The following OSBPL9 variants were observed in gnomAD, a reference collection of about 807,000 sequenced individuals.
The protein encoded by OSBPL9 is oxysterol-binding protein-related protein 9.
A neutral mutation model predicts 106.6 loss-of-function variants in OSBPL9; 40 were observed. The observed-to-expected ratio is 0.38, with a 90% CI of 0.29 to 0.49. The LOEUF is 0.49. Ranked by LOEUF, OSBPL9 falls within the 20% of genes least tolerant of loss-of-function variation. OSBPL9 has a pLI of 0.97. For missense variants in OSBPL9, 609 were observed against 887.2 expected (o/e 0.69, Z 3.98); for synonymous variants, 269 against 295.4 (o/e 0.91, Z 0.92).
the OSBPL9 span, among the ~76,000 whole-genome samples, chr1:51,525,131 A>G: frequency 1.3e-5 from 2 of 152,228 alleles, no homozygotes; most frequent in Non-Finnish European, 2.9e-5. Flanking sequence ...CTGATTCTGA[A>G]TCAGCGCAAT....
rs1388150326 is a variant in OSBPL9 at position 51,692,274 on chromosome 1, C to T, written c.242-21729C>T. 5.3e-5 allele frequency among the ~76,000 whole-genome samples: 8 copies of T among 152,190 alleles called. No individual in the cohort carries two copies. In the South Asian group the frequency reaches 1.2e-3, roughly 24 times the overall value. On this transcript the variant is annotated intron_variant, in intron 3 of 23. Transcript: ENST00000428468. ...GCTGCAGTGAGCTCTGATTGTGCCA[C>T]TGCACTCTAACCTGGGCAACAGAGT...
chr1:51,599,788 T>A (rs1645318580), intron 2 of OSBPL9, among the ~76,000 whole-genome samples: 1 of 152,198 alleles, frequency 6.6e-6, no homozygotes, highest in Admixed American at 6.5e-5. Context: ...TGTGCTACTA[T>A]AACAAAGTAC....
At chr1:51,617,298 G>A (rs896707983) in intron 1 of OSBPL9, 77 bp downstream of exon 1, 63 of 1,444,058 alleles carry the variant, frequency 4.4e-5, no homozygotes, top group Non-Finnish European at 5.7e-5. Flanking sequence ...CGGGGTTTTA[G>A]GTGGCTGAGT....
At chr1:51,592,726 C>T (rs1645283057) in intron 1 of OSBPL9, among the ~76,000 whole-genome samples, 1 of 152,162 alleles carries the variant, frequency 6.6e-6, no homozygotes, top group Non-Finnish European at 1.5e-5. Flanking sequence ...TCATCAACTG[C>T]CTGGGGCTTG....
At chr1:51,707,177 G>C in intron 3 of OSBPL9, 1 of 408,614 alleles carries the variant, frequency 2.4e-6, no homozygotes, top group Admixed American at 2.5e-5. Context: ...CCACCACCCT[G>C]TTGGTGTAGC....
chr1:51,750,430 C>T (rs1006374478), intron 8 of OSBPL9, among the ~76,000 whole-genome samples: 13 of 152,292 alleles, frequency 8.5e-5, no homozygotes, highest in Admixed American at 2.6e-4. Context: ...AATGACTCAT[C>T]CCTTCCTTCC....
intron 2 of OSBPL9, among the ~76,000 whole-genome samples, chr1:51,599,060 C>T (rs965252753): frequency 2.0e-5 from 3 of 151,600 alleles, no homozygotes; most frequent in Non-Finnish European, 4.4e-5. Flanking sequence ...TTAATACTAG[C>T]AACTTAGCTC....
At chr1:51,680,511 A>G (rs1468321648) in intron 3 of OSBPL9, among the ~76,000 whole-genome samples, 2 of 151,804 alleles carry the variant, frequency 1.3e-5, no homozygotes, top group South Asian at 2.1e-4. Flanking sequence ...AGAAAAAAAA[A>G]TTTAGCTGAC....
chr1:51,722,826 T>A (rs1662397034), intron 4 of OSBPL9, among the ~76,000 whole-genome samples: 1 of 152,244 alleles, frequency 6.6e-6, no homozygotes, highest in South Asian at 2.1e-4. Flanking sequence ...TGACTTTAGT[T>A]TTGAGACTTC....
chr1:51,734,715 C>G (rs1365661151), intron 4 of OSBPL9, among the ~76,000 whole-genome samples: 1 of 152,084 alleles, frequency 6.6e-6, no homozygotes, highest in Non-Finnish European at 1.5e-5. Flanking sequence ...TGCCCATGGC[C>G]ACATAGCTAG....
At chr1:51,680,014 A>T (rs1394016901) in intron 3 of OSBPL9, among the ~76,000 whole-genome samples, 1 of 152,132 alleles carries the variant, frequency 6.6e-6, no homozygotes, top group Non-Finnish European at 1.5e-5. Flanking sequence ...ACTATTCTGT[A>T]TGTGTATGAA....
At chr1:51,542,975 A>G in the OSBPL9 span, among the ~76,000 whole-genome samples, 1 of 152,242 alleles carries the variant, frequency 6.6e-6, no homozygotes, top group Admixed American at 6.5e-5. Context: ...GCAGATATAC[A>G]CTATCTTTCA....
At position 51,712,186 on chromosome 1, in the gene OSBPL9, G is replaced by A. The variant is rs538668732; in HGVS notation, c.242-1817G>A. Among the ~76,000 whole-genome samples, 87 of 152,248 alleles carry A rather than the reference G, an allele frequency of 5.7e-4. 1 individual carries two copies. Among genetic ancestry groups the A allele is most frequent in the South Asian group, 1.2e-3 (6 of 4,824 alleles). On this transcript the variant is annotated intron_variant, in intron 3 of 23. Coordinates refer to ENST00000428468, the MANE Select transcript of OSBPL9 (RefSeq NM_024586.6). ...GGCACCTCGGGAGGCCGAGGCTGGCGGATCACTCGCGGTTAGGGGCTGGAG... is the reference window on the plus strand; with the variant it reads ...GGCACCTCGGGAGGCCGAGGCTGGCAGATCACTCGCGGTTAGGGGCTGGAG...
intron 4 of OSBPL9, among the ~76,000 whole-genome samples, chr1:51,726,082 G>C (rs542935246): frequency 6.6e-6 from 1 of 152,286 alleles, no homozygotes; most frequent in African/African-American, 2.4e-5. Context: ...AAAGAGAAAA[G>C]AAGATGTTAT....
chr1:51,667,675 G>T (rs1346632235), intron 2 of OSBPL9, among the ~76,000 whole-genome samples: 2 of 152,168 alleles, frequency 1.3e-5, no homozygotes, highest in Non-Finnish European at 2.9e-5. Context: ...GGAAATATTT[G>T]ATACATCACA....
At chr1:51,768,587 C>G (rs1435103053) in intron 12 of OSBPL9, among the ~76,000 whole-genome samples, 2 of 152,234 alleles carry the variant, frequency 1.3e-5, no homozygotes, top group African/African-American at 4.8e-5. Context: ...ACTCATGTAT[C>G]CATCCTTTAA....
chr1:51,633,574 G>A (rs989590302), intron 1 of OSBPL9, among the ~76,000 whole-genome samples: 16 of 151,246 alleles, frequency 1.1e-4, no homozygotes, highest in Non-Finnish European at 2.2e-4. Flanking sequence ...CCGGGCAACA[G>A]AGCAAGACCC....
chr1:51,787,809 A>C lies in OSBPL9; in HGVS notation c.*20A>C. ...CATTAGGTTGGAAGATGCAAAGTTT[A>C]TACCTGATGATCAGGGCAGTAGGCA... is the stretch of plus-strand genomic sequence containing the variant. On this transcript the variant is annotated 3_prime_UTR_variant, in exon 24 of 24. Coordinates refer to ENST00000428468, the MANE Select transcript of OSBPL9 (RefSeq NM_024586.6). The C allele has an allele frequency of 1.9e-6, 3 of 1,587,770 alleles. No individual in the cohort carries two copies. Among genetic ancestry groups the C allele is most frequent in the Non-Finnish European group, 2.6e-6 (3 of 1,157,074 alleles).
chr1:51,712,099 C>G (rs866985911), intron 3 of OSBPL9, among the ~76,000 whole-genome samples: 3,506 of 152,236 alleles, frequency 0.023, 79 homozygotes, highest in Middle Eastern at 0.082. Flanking sequence ...CGAGATCACG[C>G]CACTGCACTC....
Sources: allele counts gnomAD v4.1 joint callset (sites outside exome capture counted in the v4.1 genomes callset), GRCh38; gene constraint gnomAD v4.1.1; transcripts MANE v1.5; gene names NCBI Gene and HGNC (gene_info 2026-07-23, HGNC 2026-07-21).